Variants in PCDHGB2 observed in about 807,000 individuals in gnomAD.
PCDHGB2 encodes protocadherin gamma subfamily B, 2.
PCDHGB2 carries 55 observed loss-of-function variants against 59.3 expected under a neutral mutation model. That is an observed-to-expected ratio of 0.93 (90% CI 0.75 to 1.16). The LOEUF is 1.16. PCDHGB2 is among the 50% of genes most tolerant of loss of function. The pLI is 0.00. For missense variants in PCDHGB2, 1,228 were observed against 1,198.5 expected (o/e 1.02, Z -0.36); for synonymous variants, 516 against 512.0 (o/e 1.01, Z -0.11).
intron 1 of PCDHGB2, among the ~76,000 whole-genome samples, chr5:141,455,519 G>T (rs1439363688): frequency 1.3e-5 from 2 of 152,158 alleles, no homozygotes; most frequent in East Asian, 3.9e-4. Flanking sequence ...TCAGGGGATT[G>T]GTTTGACCAG....
intron 1 of PCDHGB2, among the ~76,000 whole-genome samples, chr5:141,457,694 C>G (rs891323419): frequency 6.6e-6 from 1 of 152,214 alleles, no homozygotes; most frequent in Non-Finnish European, 1.5e-5. Flanking sequence ...TTTGGATTGG[C>G]TTTGATGAAA....
rs776047060 is a variant in PCDHGB2, at chr5:141,393,622, A to T, written c.2421+31066A>T. The T allele has an allele frequency of 1.9e-6, 3 of 1,613,960 alleles. No individual in the cohort carries two copies. The Admixed American group carries it at 5.0e-5, about 27-fold the overall frequency. ...CTTACTGTAACAGCCAGCGACCCGG[A>T]TGAGGGAATCAACGGAAAAGTGGCA... On this transcript the variant is annotated intron_variant, in intron 1 of 3. Coordinates refer to ENST00000522605, the MANE Select transcript of PCDHGB2 (RefSeq NM_018923.3).
chr5:141,400,453 C>T (rs1329103788), intron 1 of PCDHGB2: 1 of 1,614,056 alleles, frequency 6.2e-7, no homozygotes, highest in Admixed American at 1.7e-5. Context: ...ACAAGACATA[C>T]TTTGTGGTGA....
chr5:141,418,372 A>T (rs771262387), intron 1 of PCDHGB2: 25 of 1,613,968 alleles, frequency 1.5e-5, no homozygotes, highest in Non-Finnish European at 2.1e-5. Flanking sequence ...GCAAATACCA[A>T]CTAAGTCCTA....
At chr5:141,420,412 T>A in intron 1 of PCDHGB2, 1 of 1,225,004 alleles carries the variant, frequency 8.2e-7, no homozygotes, top group Non-Finnish European at 1.1e-6. Flanking sequence ...TGGTTATCAT[T>A]ATTAAAACAA....
At chr5:141,459,499 G>A (rs2098968854) in intron 1 of PCDHGB2, among the ~76,000 whole-genome samples, 1 of 152,172 alleles carries the variant, frequency 6.6e-6, no homozygotes, top group Non-Finnish European at 1.5e-5. Context: ...TTAAAGTGAT[G>A]TGAACAATCA....
intron 1 of PCDHGB2, chr5:141,412,984 C>G: frequency 1.8e-6 from 1 of 558,874 alleles, no homozygotes; most frequent in Non-Finnish European, 3.0e-6. Flanking sequence ...GCAGCCAGAG[C>G]TCAATCCGGA....
rs1160254496 is a variant in PCDHGB2, at chr5:141,361,417, G to A, written c.1282G>A (p.Gly428Ser). The A allele has an allele frequency of 1.9e-6, 3 of 1,613,898 alleles. No individual in the cohort carries two copies. The highest frequency in any genetic ancestry group is 2.7e-5 in the African/African-American group (2 of 74,936). The change falls in exon 1 of 4, where the codon GGC becomes AGC. Residue 428 changes from glycine (G) to serine (S), a missense_variant. Gly to Ser is a moderately conservative substitution (Grantham distance 56). Coordinates refer to ENST00000522605, the MANE Select transcript of PCDHGB2 (RefSeq NM_018923.3). ...YNLTITATDG[G>S]KPPLSSSIIV... ...TCTCACCATCACAGCCACCGACGGG[G>A]GCAAGCCGCCCCTCTCCTCCAGCAT...
At position 141,489,599 on chromosome 5, in the gene PCDHGB2, A is replaced by T; in HGVS notation, c.2422-5208A>T. The T allele has an allele frequency of 6.2e-7, 1 of 1,614,020 alleles. No homozygotes were observed. The highest frequency in any genetic ancestry group is 8.5e-7 in the Non-Finnish European group (1 of 1,179,970). On this transcript the variant is annotated intron_variant, in intron 1 of 3. Coordinates refer to ENST00000522605, the MANE Select transcript of PCDHGB2 (RefSeq NM_018923.3). This position sits in a 1 kb window ranked among gnomAD's most constrained non-coding sequence, Gnocchi z 4.5. ...CACCCCCTGGAGCTAATCCGTGTAGAGGTAGAGATCCTGGATCTCAATGAC... is the reference window on the plus strand; with the variant it reads ...CACCCCCTGGAGCTAATCCGTGTAGTGGTAGAGATCCTGGATCTCAATGAC...
At chr5:141,381,443 C>T (rs1777196570) in intron 1 of PCDHGB2, among the ~76,000 whole-genome samples, 1 of 152,224 alleles carries the variant, frequency 6.6e-6, no homozygotes, top group Admixed American at 6.5e-5. Flanking sequence ...CCTGTCAGGA[C>T]AGTCCTGCAT....
rs948944459 is a variant in PCDHGB2 at position 141,476,485 on chromosome 5, G to T, written c.2422-18322G>T. 1 of 1,614,076 alleles carries T rather than the reference G, an allele frequency of 6.2e-7. No individual in the cohort carries two copies. The highest frequency in any genetic ancestry group is 8.5e-7 in the Non-Finnish European group (1 of 1,180,016). ...CGCTGGAGCTGTTCAGCGTGGAAGT[G>T]GTGATCCAGGACATCAACGACAACA... is the stretch of plus-strand genomic sequence containing the variant. On this transcript the variant is annotated intron_variant, in intron 1 of 3. Coordinates refer to ENST00000522605, the MANE Select transcript of PCDHGB2 (RefSeq NM_018923.3). The surrounding 1 kb of genome is among the most constrained non-coding windows in gnomAD (Gnocchi z 7.6).
chr5:141,415,123 G>A (rs1349224471), intron 1 of PCDHGB2: 3 of 1,613,540 alleles, frequency 1.9e-6, no homozygotes, highest in African/African-American at 1.3e-5. Context: ...CGTAGTGGCC[G>A]TCCAGGACCA....
intron 1 of PCDHGB2, chr5:141,384,713 C>CA: frequency 6.2e-7 from 1 of 1,614,104 alleles, no homozygotes; most frequent in Non-Finnish European, 8.5e-7. Context: ...GCCTGGCTGT[C>CA]ATACCTCCTG....
chr5:141,422,432 A>G, intron 1 of PCDHGB2: 1 of 1,609,448 alleles, frequency 6.2e-7, no homozygotes, highest in Non-Finnish European at 8.5e-7. Context: ...TATGGAAATT[A>G]TTACAAATTG....
At chr5:141,395,896 A>C (rs1229120477) in intron 1 of PCDHGB2, 2 of 152,188 alleles carry the variant, frequency 1.3e-5, no homozygotes, top group Admixed American at 6.5e-5. Flanking sequence ...CCTGGGCTCC[A>C]TGCCCATGGA....
At chr5:141,371,659 T>A (rs762117464) in intron 1 of PCDHGB2, 4 of 1,613,850 alleles carry the variant, frequency 2.5e-6, no homozygotes. Flanking sequence ...AATGTGACGA[T>A]CACAGCTACC....
chr5:141,409,862 G>A (rs1359567076), intron 1 of PCDHGB2: 19 of 1,612,352 alleles, frequency 1.2e-5, no homozygotes, highest in Non-Finnish European at 1.5e-5. Flanking sequence ...GTTGGTGGGA[G>A]ACCGCAATGA....
At chr5:141,440,605 C>G (rs1214459401) in intron 1 of PCDHGB2, 1 of 152,228 alleles carries the variant, frequency 6.6e-6, no homozygotes, top group East Asian at 1.9e-4. Context: ...TGCAACAGAA[C>G]CTGCAGAAGA....
At chr5:141,375,865 GGACA>G in intron 1 of PCDHGB2, 2 of 1,613,976 alleles carry the variant, frequency 1.2e-6, no homozygotes. Context: ...TGGTGGCGGT[GGACA>G]GAGACTCGGG....
Sources: allele counts gnomAD v4.1 joint callset (sites outside exome capture counted in the v4.1 genomes callset), GRCh38; gene constraint gnomAD v4.1.1; non-coding constraint Gnocchi (gnomAD v3.1); transcripts MANE v1.5; gene names NCBI Gene and HGNC (gene_info 2026-07-23, HGNC 2026-07-21).